Variants in ROCK2 observed in about 807,000 individuals in gnomAD.
The protein encoded by ROCK2 is rho-associated protein kinase 2.
ROCK2 carries 61 observed loss-of-function variants against 195.1 expected under a neutral mutation model. The observed-to-expected ratio is 0.31, with a 90% CI of 0.25 to 0.39. ROCK2 has a LOEUF of 0.39. ROCK2 is among the 10% of genes least tolerant of loss of function. The probability of loss-of-function intolerance (pLI) is 1.00; values close to 1 mark genes in which losing one functional copy is unlikely to be tolerated. For synonymous variants in ROCK2, 504 were observed against 545.5 expected (o/e 0.92, Z 1.06); for missense variants, 1,109 against 1,637.4 (o/e 0.68, Z 5.57).
At chr2:11,293,620 C>G in intron 1 of ROCK2, among the ~76,000 whole-genome samples, 1 of 152,154 alleles carries the variant, frequency 6.6e-6, no homozygotes, top group Non-Finnish European at 1.5e-5. Flanking sequence ...TGGCTTGGCA[C>G]AGTACTCTTC....
chr2:11,341,939 T>G (rs971700350), intron 1 of ROCK2, among the ~76,000 whole-genome samples: 2 of 152,176 alleles, frequency 1.3e-5, no homozygotes, highest in African/African-American at 4.8e-5. Flanking sequence ...ACAATGTGAA[T>G]GTATTTAATG....
At chr2:11,224,195 C>T (rs926778385) in intron 7 of ROCK2, 127 bp downstream of exon 7, 1 of 897,824 alleles carries the variant, frequency 1.1e-6, no homozygotes, top group Non-Finnish European at 1.7e-6. Context: ...AAAGGCTAAC[C>T]CAGAATTAGA....
intron 4 of ROCK2, among the ~76,000 whole-genome samples, chr2:11,242,537 C>A (rs960255974): frequency 1.3e-5 from 2 of 152,064 alleles, no homozygotes; most frequent in African/African-American, 4.8e-5. Flanking sequence ...TTTGAGGAAA[C>A]CAAGATAAGC....
At position 11,245,514 on chromosome 2, in the gene ROCK2, CA is replaced by C. The variant is rs144147771; in HGVS notation, c.462+4146del. ...AAACTTGTAAAGAAAAATTTTTTAA[CA>C]AAGCAATCTGGTGCTATCAATCAAA... On this transcript the variant is annotated intron_variant, in intron 4 of 32. Coordinates refer to ENST00000315872, the MANE Select transcript of ROCK2 (RefSeq NM_004850.5). Among the ~76,000 whole-genome samples, 97 of 152,102 alleles carry C rather than the reference CA, an allele frequency of 6.4e-4. No individual in the cohort carries two copies. In the East Asian group the frequency reaches 0.012, roughly 19 times the overall value.
intron 4 of ROCK2, among the ~76,000 whole-genome samples, chr2:11,245,116 C>T (rs145307480): frequency 2.0e-5 from 3 of 151,718 alleles, no homozygotes; most frequent in Non-Finnish European, 4.4e-5. Flanking sequence ...TTTCAGTGCA[C>T]TATAAAAGAT....
intron 20 of ROCK2, among the ~76,000 whole-genome samples, chr2:11,204,014 C>A (rs549850208): frequency 3.3e-5 from 5 of 151,982 alleles, no homozygotes; most frequent in South Asian, 2.1e-4. Flanking sequence ...CAGAAAGAAC[C>A]ATGTAATTAC....
At chr2:11,310,463 C>T (rs1236555773) in intron 1 of ROCK2, among the ~76,000 whole-genome samples, 1 of 152,144 alleles carries the variant, frequency 6.6e-6, no homozygotes, top group Non-Finnish European at 1.5e-5. Context: ...TACTGCAATA[C>T]TGAGAGAATT....
intron 2 of ROCK2, among the ~76,000 whole-genome samples, chr2:11,287,195 TTCA>T (rs1456845650): frequency 6.6e-6 from 1 of 152,176 alleles, no homozygotes; most frequent in African/African-American, 2.4e-5. Flanking sequence ...GGAATTCAAT[TTCA>T]CTTACTTCTG....
intron 1 of ROCK2, among the ~76,000 whole-genome samples, chr2:11,295,998 A>G (rs1226971907): frequency 1.2e-3 from 29 of 24,428 alleles, no homozygotes; most frequent in African/African-American, 2.6e-3. Context: ...GAGGAGAGAG[A>G]GAGAGAGGAG....
intron 3 of ROCK2, among the ~76,000 whole-genome samples, chr2:11,253,484 A>T (rs915362971): frequency 6.6e-6 from 1 of 152,362 alleles, no homozygotes; most frequent in Non-Finnish European, 1.5e-5. Flanking sequence ...TAACTGAACT[A>T]AGAACTCACT....
chr2:11,201,142 C>T lies in ROCK2; in HGVS notation c.2725G>A (p.Asp909Asn). The change falls in exon 23 of 33, where the codon GAC becomes AAC. Residue 909 changes from aspartate (D) to asparagine (N), a missense_variant and splice_region_variant. Transcript: ENST00000315872. The surrounding 1 kb of genome is among the most constrained non-coding windows in gnomAD (Gnocchi z 4.6). Reference sequence around the variant, plus strand: ...ATCTCCAGTTGGGCAGCCAAAGAGTCCCTACATTTTAGCAATATATCATTT... The same window carrying T: ...ATCTCCAGTTGGGCAGCCAAAGAGTTCCTACATTTTAGCAATATATCATTT... ...QKKQELQDER[D>N]SLAAQLEITL... is the part of the protein sequence containing the mutation. 3 of 1,599,650 alleles carry T rather than the reference C, an allele frequency of 1.9e-6. No individual in the cohort carries two copies. Among genetic ancestry groups the T allele is most frequent in the Non-Finnish European group, 2.6e-6 (3 of 1,175,156 alleles).
chr2:11,186,103 C>T (rs1663188087), intron 32 of ROCK2, among the ~76,000 whole-genome samples: 1 of 152,228 alleles, frequency 6.6e-6, no homozygotes, highest in African/African-American at 2.4e-5. Flanking sequence ...TTAAAATAAA[C>T]ACAGCGACTC....
chr2:11,331,059 A>AGG (rs1668751865), intron 1 of ROCK2, among the ~76,000 whole-genome samples: 1 of 119,398 alleles, frequency 8.4e-6, no homozygotes, highest in Non-Finnish European at 1.8e-5. Flanking sequence ...GGAGGAGGAG[A>AGG]AGAAGAAGAA....
chr2:11,257,793 C>G (rs1189987771), intron 3 of ROCK2, among the ~76,000 whole-genome samples: 1 of 151,318 alleles, frequency 6.6e-6, no homozygotes, highest in Non-Finnish European at 1.5e-5. Flanking sequence ...TTGTAATAAG[C>G]AAATACACTT....
chr2:11,298,002 C>T (rs550650394), intron 1 of ROCK2, among the ~76,000 whole-genome samples: 1 of 152,176 alleles, frequency 6.6e-6, no homozygotes, highest in South Asian at 2.1e-4. Flanking sequence ...GATAAGGGGA[C>T]ATTCTGGAAA....
chr2:11,223,576 ACT>A (rs1664707924), intron 7 of ROCK2, among the ~76,000 whole-genome samples: 1 of 152,192 alleles, frequency 6.6e-6, no homozygotes, highest in Admixed American at 6.5e-5. Flanking sequence ...ATTTGAGACC[ACT>A]GTTTTATGGA....
At chr2:11,194,717 A>G (rs1034947051) in intron 28 of ROCK2, among the ~76,000 whole-genome samples, 1 of 152,122 alleles carries the variant, frequency 6.6e-6, no homozygotes, top group Admixed American at 6.5e-5. Flanking sequence ...ACAAAACAGC[A>G]AAAGTATCAA....
chr2:11,240,737 C>T (rs1270065429), intron 4 of ROCK2, among the ~76,000 whole-genome samples: 1 of 152,240 alleles, frequency 6.6e-6, no homozygotes, highest in African/African-American at 2.4e-5. Flanking sequence ...AAAGCATACA[C>T]TTCACGCAGG....
chr2:11,290,455 A>C (rs967124784), intron 1 of ROCK2, among the ~76,000 whole-genome samples: 6 of 152,070 alleles, frequency 3.9e-5, no homozygotes, highest in Non-Finnish European at 5.9e-5. Context: ...AATGATACTA[A>C]AACTGAGATA....
Sources: allele counts gnomAD v4.1 joint callset (sites outside exome capture counted in the v4.1 genomes callset), GRCh38; gene constraint gnomAD v4.1.1; non-coding constraint Gnocchi (gnomAD v3.1); transcripts MANE v1.5; gene names NCBI Gene and HGNC (gene_info 2026-07-23, HGNC 2026-07-21).